CD8B: variants seen among roughly 807,000 people sequenced by gnomAD.
CD8B encodes CD8 subunit beta.
A neutral mutation model predicts 24.2 loss-of-function variants in CD8B; 6 were observed. The observed-to-expected ratio is 0.25, with a 90% CI of 0.14 to 0.49. The LOEUF (loss-of-function observed/expected upper bound fraction) is 0.49, where lower values mean the gene tolerates loss of function less well. CD8B is among the 20% of genes least tolerant of loss of function. The probability of loss-of-function intolerance (pLI) is 0.98; values close to 1 mark genes in which losing one functional copy is unlikely to be tolerated. For missense variants in CD8B, 196 were observed against 271.3 expected (o/e 0.72, Z 1.95); for synonymous variants, 84 against 108.3 (o/e 0.78, Z 1.39).
intron 5 of CD8B, among the ~76,000 whole-genome samples, chr2:86,822,054 A>C (rs1346285769): frequency 6.6e-6 from 1 of 152,104 alleles, no homozygotes; most frequent in Non-Finnish European, 1.5e-5. Flanking sequence ...TCCTGCCCTG[A>C]CTTGCCCCAG....
At chr2:86,851,893 A>G (rs945378638) in intron 3 of CD8B, among the ~76,000 whole-genome samples, 1 of 152,186 alleles carries the variant, frequency 6.6e-6, no homozygotes, top group African/African-American at 2.4e-5. Flanking sequence ...TAGAGAAGCA[A>G]ATGTGTTCAT....
At position 86,841,031 on chromosome 2, in the gene CD8B, G is replaced by C. The variant is rs1675400433; in HGVS notation, c.*1276C>G. 6.6e-6 allele frequency among the ~76,000 whole-genome samples: 1 copy of C among 151,962 alleles called. No homozygotes were observed. The highest frequency in any genetic ancestry group is 6.6e-5 in the Admixed American group (1 of 15,240). On this transcript the variant is annotated 3_prime_UTR_variant, in exon 6 of 6. Coordinates refer to ENST00000390655, the MANE Select transcript of CD8B (RefSeq NM_004931.5). ...TGGATTCTCCCTGGACCTGGACGTG[G>C]TGCTTCTGTTAATGCAGCCTCAGGT...
At chr2:86,826,241 C>T (rs536081943) in intron 5 of CD8B, among the ~76,000 whole-genome samples, 1 of 152,126 alleles carries the variant, frequency 6.6e-6, no homozygotes, top group Admixed American at 6.5e-5. Context: ...GAGCCGTCAC[C>T]CCTGCCTTTT....
intron 5 of CD8B, among the ~76,000 whole-genome samples, chr2:86,819,428 T>TTTCC (rs1178536335): frequency 6.6e-6 from 1 of 152,188 alleles, no homozygotes; most frequent in Non-Finnish European, 1.5e-5. Context: ...GCTGGTGACT[T>TTTCC]TAAGTTGAAG....
At chr2:86,836,787 G>A (rs753435342), downstream of CD8B, among the ~76,000 whole-genome samples, 3 of 152,156 alleles carry the variant, frequency 2.0e-5, no homozygotes, top group Non-Finnish European at 4.4e-5. Context: ...CAAGGAAGAG[G>A]AGAATTGAGT....
At chr2:86,835,841 C>G (rs1157521225), downstream of CD8B, among the ~76,000 whole-genome samples, 1 of 150,994 alleles carries the variant, frequency 6.6e-6, no homozygotes, top group East Asian at 2.0e-4. Context: ...TTTCTCTGGT[C>G]TGTCCGGGGC....
At chr2:86,852,009 C>T (rs1454534586) in intron 3 of CD8B, among the ~76,000 whole-genome samples, 1 of 152,186 alleles carries the variant, frequency 6.6e-6, no homozygotes, top group Non-Finnish European at 1.5e-5. Flanking sequence ...GGCTCTATCA[C>T]CCAGGCTGGA....
chr2:86,861,065 G>C (rs1676558412), intron 1 of CD8B, among the ~76,000 whole-genome samples: 1 of 152,224 alleles, frequency 6.6e-6, no homozygotes, highest in South Asian at 2.1e-4. Context: ...GCACTCACTG[G>C]GCCAGAACCC....
chr2:86,848,201 G>T (rs1675781203), intron 3 of CD8B, among the ~76,000 whole-genome samples: 4 of 152,204 alleles, frequency 2.6e-5, no homozygotes, highest in Admixed American at 2.6e-4. Context: ...GCTGTCAAAT[G>T]CCTCCCTAAA....
At chr2:86,847,287 T>A (rs1328621872) in intron 3 of CD8B, among the ~76,000 whole-genome samples, 2 of 152,206 alleles carry the variant, frequency 1.3e-5, no homozygotes, top group East Asian at 3.8e-4. Context: ...CATTTTATTA[T>A]AAAATTTCAT....
At position 86,842,842 on chromosome 2, in the gene CD8B, C is replaced by T. The variant is rs193215250; in HGVS notation, c.621-523G>A. On this transcript the variant is annotated intron_variant, in intron 5 of 5. Transcript: ENST00000390655. ...TAAACCCAGACAATAGAAGAGAGTACGTCTGTTCAAAATGAAGAGAGTGAG... is the reference window on the plus strand; with the variant it reads ...TAAACCCAGACAATAGAAGAGAGTATGTCTGTTCAAAATGAAGAGAGTGAG... 2.0e-3 allele frequency among the ~76,000 whole-genome samples: 306 copies of T among 152,216 alleles called. 2 individuals are homozygous for T. Among genetic ancestry groups the T allele is most frequent in the African/African-American group, 7.0e-3 (289 of 41,540 alleles).
chr2:86,841,481 A>G lies in CD8B; in HGVS notation c.*826T>C, dbSNP rs1267014862. 1.7e-6 allele frequency: 1 copy of G among 596,310 alleles called. No individual in the cohort carries two copies. Among genetic ancestry groups the G allele is most frequent in the Non-Finnish European group, 2.1e-6 (1 of 475,376 alleles). The allele number at this position is 596,310 out of a possible 1,614,324, so 36.9% of individuals were successfully genotyped here. On this transcript the variant is annotated 3_prime_UTR_variant, in exon 6 of 6. Coordinates refer to ENST00000390655, the MANE Select transcript of CD8B (RefSeq NM_004931.5). ...TCGGGCAAATGAGGATCTCAGGTGCAAAAGGAGGATGTACAAATTTTCTCC... is the reference window on the plus strand; with the variant it reads ...TCGGGCAAATGAGGATCTCAGGTGCGAAAGGAGGATGTACAAATTTTCTCC...
chr2:86,845,742 A>G (rs1290491794), intron 4 of CD8B, among the ~76,000 whole-genome samples: 1 of 152,220 alleles, frequency 6.6e-6, no homozygotes, highest in Non-Finnish European at 1.5e-5. Context: ...TATTTTACCA[A>G]TGAGTTCCTT....
At chr2:86,822,326 T>C (rs752468668) in intron 5 of CD8B, 13 of 1,571,880 alleles carry the variant, frequency 8.3e-6, no homozygotes, top group Non-Finnish European at 1.0e-5. Context: ...TATACCTGTA[T>C]ATTCAGTAGT....
chr2:86,853,165 G>A (rs892574784), intron 2 of CD8B, 79 bp from the exon 3 acceptor site: 10 of 1,548,252 alleles, frequency 6.5e-6, no homozygotes, highest in South Asian at 2.4e-5. Context: ...GTCTTATGGC[G>A]GGTGCGGTGG....
rs1382360947 is a variant in CD8B, at chr2:86,861,569, TCTC to T, written c.43+251_43+253del. 3.3e-5 allele frequency among the ~76,000 whole-genome samples: 5 copies of T among 152,038 alleles called. No homozygotes were observed. The South Asian group carries it at 8.3e-4, about 25-fold the overall frequency. ...CGCTCCCCTTTTCACTGCCTCCCCTTCTCCTGCGTCCAGGCTTTTGAGGGGAGG... is the reference window on the plus strand; with the variant it reads ...CGCTCCCCTTTTCACTGCCTCCCCTTCTGCGTCCAGGCTTTTGAGGGGAGG... On this transcript the variant is annotated intron_variant, in intron 1 of 5. Coordinates refer to ENST00000390655, the MANE Select transcript of CD8B (RefSeq NM_004931.5).
chr2:86,861,135 G>C (rs563316219), intron 1 of CD8B, among the ~76,000 whole-genome samples: 4 of 152,176 alleles, frequency 2.6e-5, no homozygotes, highest in Non-Finnish European at 5.9e-5. Context: ...TTTTGGGCAC[G>C]AGAGCAAATC....
rs59947969 is a variant in CD8B, at chr2:86,829,358, G to C, written c.621-13640C>G. 2.0e-3 allele frequency among the ~76,000 whole-genome samples: 297 copies of C among 152,196 alleles called. 1 individual carries two copies. The highest frequency in any genetic ancestry group is 6.7e-3 in the African/African-American group (279 of 41,530). On this transcript the variant is annotated intron_variant, in intron 5 of 5. Transcript: ENST00000331469. ...CTGACCTCGTGATCTGCCTGTCTCA[G>C]CCTCTCAAAGTGCTGGAATTACAGG...
chr2:86,816,532 G>A lies in CD8B; in HGVS notation c.621-814C>T, dbSNP rs115431737. ...CACATATCATGATTTATAAACTCTA[G>A]TAATTTAAACACAAATAGAACAATG... On this transcript the variant is annotated intron_variant, in intron 5 of 5. Transcript: ENST00000331469. Among the ~76,000 whole-genome samples the A allele has an allele frequency of 8.8e-3, 1,342 of 152,282 alleles. 20 individuals are homozygous for A. The highest frequency in any genetic ancestry group is 0.031 in the African/African-American group (1,275 of 41,540).
Sources: allele counts gnomAD v4.1 joint callset (sites outside exome capture counted in the v4.1 genomes callset), GRCh38; gene constraint gnomAD v4.1.1; transcripts MANE v1.5; gene names NCBI Gene and HGNC (gene_info 2026-07-23, HGNC 2026-07-21).